EPB41: variants seen among roughly 807,000 people sequenced by gnomAD.
The protein encoded by EPB41 is protein 4.1.
Under a neutral mutation model 108.0 loss-of-function variants are expected in EPB41, and 65 were observed. The ratio of observed to expected loss-of-function variants is 0.60; its 90% CI spans 0.49 to 0.74. EPB41 has a LOEUF of 0.74. Ranked by LOEUF, EPB41 falls within the 30% of genes least tolerant of loss-of-function variation. The pLI is 0.00. For missense variants in EPB41, 875 were observed against 1,037.0 expected, an observed-to-expected ratio of 0.84 and a Z score of 2.15; for synonymous variants, 336 against 358.9, an observed-to-expected ratio of 0.94 and a Z score of 0.72.
At chr1:28,951,037 G>T (rs1041996033) in intron 1 of EPB41, among the ~76,000 whole-genome samples, 1 of 151,936 alleles carries the variant, frequency 6.6e-6, no homozygotes, top group Non-Finnish European at 1.5e-5. Context: ...GTTTTGTCAT[G>T]TTGGCCAAGG....
chr1:29,098,763 G>A (rs534063748), intron 17 of EPB41, among the ~76,000 whole-genome samples: 2 of 151,368 alleles, frequency 1.3e-5, no homozygotes, highest in African/African-American at 4.8e-5. Context: ...TTTTTGAGAC[G>A]GAGTCTCAGT....
rs190942561 is a variant in EPB41 at position 29,027,889 on chromosome 1, A to G, written c.1125-2511A>G. Among the ~76,000 whole-genome samples, 172 of 151,990 alleles carry G rather than the reference A, an allele frequency of 1.1e-3. 1 individual carries two copies. The highest frequency in any genetic ancestry group is 3.7e-3 in the African/African-American group (154 of 41,482). The stretch of plus-strand genomic sequence containing the variant: ...GCCCAGGCTGGGGTGCAATGACGCA[A>G]TCTCGGCTCACCACAACCTCTGCCT... On this transcript the variant is annotated intron_variant, in intron 7 of 20. Coordinates refer to ENST00000343067, the MANE Select transcript of EPB41 (RefSeq NM_001376013.1).
intron 15 of EPB41, 37 bp downstream of exon 15, chr1:29,060,521 C>T: frequency 6.5e-7 from 1 of 1,549,576 alleles, no homozygotes; most frequent in Non-Finnish European, 8.9e-7. Flanking sequence ...AGTTGGTTGC[C>T]TGGAACCTTC....
chr1:29,106,467 A>AT (rs1225108167), intron 17 of EPB41, among the ~76,000 whole-genome samples: 1 of 137,170 alleles, frequency 7.3e-6, no homozygotes, highest in South Asian at 2.3e-4. Flanking sequence ...TTATTTATTT[A>AT]TTTTTTTGAG....
At chr1:29,096,931 G>A (rs1394891798) in intron 16 of EPB41, 2 of 152,192 alleles carry the variant, frequency 1.3e-5, no homozygotes, top group Non-Finnish European at 2.9e-5. Context: ...AGGCTTCAGT[G>A]TTCTGAGACC....
chr1:29,023,911 C>T (rs1347146768), intron 7 of EPB41, among the ~76,000 whole-genome samples: 2 of 151,828 alleles, frequency 1.3e-5, no homozygotes, highest in African/African-American at 4.9e-5. Flanking sequence ...CTTAAGCTCT[C>T]TAAGCTTCAG....
intron 10 of EPB41, among the ~76,000 whole-genome samples, chr1:29,037,884 G>C (rs1640105837): frequency 2.0e-5 from 3 of 151,964 alleles, no homozygotes. Context: ...TTCATATGTA[G>C]CAACAGTACA....
chr1:29,042,742 G>A (rs1210981348), intron 11 of EPB41, among the ~76,000 whole-genome samples: 1 of 151,662 alleles, frequency 6.6e-6, no homozygotes, highest in African/African-American at 2.4e-5. Context: ...GCCTCCCAAA[G>A]TGCTGAGATT....
chr1:29,098,152 C>G (rs927652202), intron 17 of EPB41, among the ~76,000 whole-genome samples: 1 of 152,180 alleles, frequency 6.6e-6, no homozygotes, highest in Non-Finnish European at 1.5e-5. Context: ...CCCAGCTACT[C>G]AGGAGGCTGA....
At chr1:29,020,178 C>CT (rs1223396837) in intron 7 of EPB41, among the ~76,000 whole-genome samples, 1 of 151,932 alleles carries the variant, frequency 6.6e-6, no homozygotes, top group Non-Finnish European at 1.5e-5. Context: ...AAGCAATTCT[C>CT]TGCCTCAGCC....
At chr1:28,893,496 C>G (rs974863029) in intron 1 of EPB41, 1 of 152,316 alleles carries the variant, frequency 6.6e-6, no homozygotes, top group African/African-American at 2.4e-5. Flanking sequence ...CTGTCTTCTT[C>G]AGGCTGTATC....
At position 29,119,825 on chromosome 1, in the gene EPB41, T is replaced by C. The variant is rs1323195350; in HGVS notation, c.*3013T>C. The C allele has an allele frequency of 6.5e-6, 1 of 152,672 alleles. No individual in the cohort carries two copies. Among genetic ancestry groups the C allele is most frequent in the Non-Finnish European group, 1.5e-5 (1 of 68,048 alleles). The allele number at this position is 152,672 out of a possible 1,614,324, so 9.5% of individuals were successfully genotyped here. On this transcript the variant is annotated 3_prime_UTR_variant, in exon 21 of 21. Transcript: ENST00000343067. ...AAAATGAAGGAGCTTTGTAAATTTTTTTTAAAATTATGAATCATATCAAGT... is the reference window on the plus strand; with the variant it reads ...AAAATGAAGGAGCTTTGTAAATTTTCTTTAAAATTATGAATCATATCAAGT...
Position 28,987,578 on chromosome 1 carries a change from T to C in EPB41, c.141T>C (p.Asn47=), listed in dbSNP as rs759388934. 3.7e-6 allele frequency: 6 copies of C among 1,613,976 alleles called. No homozygotes were observed. Among genetic ancestry groups the C allele is most frequent in the South Asian group, 2.2e-5 (2 of 91,080 alleles). The stretch of plus-strand genomic sequence containing the variant: ...GTCAAACAGCAGCTGAAGGAGATAA[T>C]TGGTGTGAACAGAAGCTGAAAGCTT... The part of the protein sequence containing the change: ...ESCQTAAEGD[N]WCEQKLKASN... Residue 47 remains asparagine, a synonymous_variant, in exon 2 of 21, where the codon AAT becomes AAC. Coordinates refer to ENST00000343067, the MANE Select transcript of EPB41 (RefSeq NM_001376013.1).
intron 17 of EPB41, among the ~76,000 whole-genome samples, chr1:29,101,564 A>G (rs1316246154): frequency 1.3e-5 from 2 of 148,516 alleles, no homozygotes; most frequent in African/African-American, 5.0e-5. Flanking sequence ...GCTGCTTGGG[A>G]GGCTGAGGCA....
chr1:28,908,968 G>A (rs1477161078), intron 1 of EPB41, among the ~76,000 whole-genome samples: 7 of 150,754 alleles, frequency 4.6e-5, no homozygotes, highest in African/African-American at 1.7e-4. Flanking sequence ...TTCAATACTA[G>A]CCTATCCCAC....
intron 4 of EPB41, among the ~76,000 whole-genome samples, chr1:29,000,056 C>G (rs2096265616): frequency 6.6e-6 from 1 of 152,130 alleles, no homozygotes; most frequent in Non-Finnish European, 1.5e-5. Flanking sequence ...TCCCAAAGTG[C>G]TAAATTACAG....
intron 1 of EPB41, among the ~76,000 whole-genome samples, chr1:28,896,399 T>C (rs562131749): frequency 1.3e-5 from 2 of 152,250 alleles, no homozygotes; most frequent in African/African-American, 4.8e-5. Flanking sequence ...CTCATGGAAG[T>C]AAGAATGTAC....
At chr1:29,068,515 A>G (rs1000535271) in intron 16 of EPB41, among the ~76,000 whole-genome samples, 1 of 152,250 alleles carries the variant, frequency 6.6e-6, no homozygotes, top group Non-Finnish European at 1.5e-5. Flanking sequence ...GAACAATTTT[A>G]GCTCTATGCT....
At chr1:29,028,565 A>C (rs558578967) in intron 7 of EPB41, among the ~76,000 whole-genome samples, 9 of 152,320 alleles carry the variant, frequency 5.9e-5, no homozygotes, top group African/African-American at 2.2e-4. Context: ...CTGGCTGGCC[A>C]CTTACAAGTA....
Sources: allele counts gnomAD v4.1 joint callset (sites outside exome capture counted in the v4.1 genomes callset), GRCh38; gene constraint gnomAD v4.1.1; transcripts MANE v1.5; gene names NCBI Gene and HGNC (gene_info 2026-07-23, HGNC 2026-07-21).